The following CLMN variants were observed in gnomAD, a reference collection of about 807,000 sequenced individuals.
CLMN encodes the protein calmin (calponin-like, transmembrane).
In CLMN, 57 loss-of-function variants were observed where a neutral mutation model predicts 92.7. The observed-to-expected ratio is 0.61, with a 90% confidence interval of 0.50 to 0.77. The LOEUF (loss-of-function observed/expected upper bound fraction) is 0.77, where lower values mean the gene tolerates loss of function less well. CLMN is among the 30% of genes least tolerant of loss of function. CLMN has a pLI of 0.00. For synonymous variants in CLMN, 466 were observed against 470.6 expected, an observed-to-expected ratio of 0.99 and a Z score of 0.13; for missense variants, 1,158 against 1,237.5, an observed-to-expected ratio of 0.94 and a Z score of 0.96.
chr14:95,220,681 A>G (rs2140615418), intron 4 of CLMN, among the ~76,000 whole-genome samples: 1 of 152,328 alleles, frequency 6.6e-6, no homozygotes, highest in Admixed American at 6.5e-5. Flanking sequence ...CTGTTCAGAC[A>G]GTGAAAGTGC....
intron 1 of CLMN, among the ~76,000 whole-genome samples, chr14:95,258,667 A>AG (rs144128485): frequency 0.28 from 33,577 of 119,190 alleles, 5,381 homozygotes; most frequent in African/African-American, 0.5. Flanking sequence ...GTGTATGTGG[A>AG]GATATGTGTA....
At chr14:95,246,411 T>C (rs1286669892) in intron 1 of CLMN, among the ~76,000 whole-genome samples, 1 of 152,236 alleles carries the variant, frequency 6.6e-6, no homozygotes, top group Non-Finnish European at 1.5e-5. Flanking sequence ...TAATGGGCCG[T>C]GGGGCTTCCC....
chr14:95,242,105 C>T (rs1281668282), intron 1 of CLMN, among the ~76,000 whole-genome samples: 2 of 151,770 alleles, frequency 1.3e-5, no homozygotes, highest in African/African-American at 4.8e-5. Context: ...TGGATTACAC[C>T]TGTGATTCTC....
At chr14:95,283,412 A>C (rs1900215807) in intron 1 of CLMN, among the ~76,000 whole-genome samples, 1 of 152,234 alleles carries the variant, frequency 6.6e-6, no homozygotes, top group Non-Finnish European at 1.5e-5. Flanking sequence ...AATTGGTACC[A>C]GTAGAGTGCA....
intron 1 of CLMN, among the ~76,000 whole-genome samples, chr14:95,279,242 A>G (rs1409972943): frequency 2.0e-5 from 3 of 152,256 alleles, no homozygotes; most frequent in African/African-American, 7.2e-5. Context: ...TGGTAAAATA[A>G]AAATATCTTC....
At chr14:95,217,728 C>T (rs1897397193) in intron 4 of CLMN, among the ~76,000 whole-genome samples, 1 of 152,242 alleles carries the variant, frequency 6.6e-6, no homozygotes, top group Non-Finnish European at 1.5e-5. Context: ...CCTTCCCTTT[C>T]ACCTGGGGGA....
intron 1 of CLMN, among the ~76,000 whole-genome samples, chr14:95,239,006 T>G (rs1423318129): frequency 2.6e-5 from 4 of 152,248 alleles, no homozygotes; most frequent in African/African-American, 9.6e-5. Context: ...CTAGTTTTGC[T>G]GTGAGTTATT....
At chr14:95,269,966 T>G (rs1899641275) in intron 1 of CLMN, among the ~76,000 whole-genome samples, 1 of 152,140 alleles carries the variant, frequency 6.6e-6, no homozygotes, top group African/African-American at 2.4e-5. Context: ...TTCTACTATG[T>G]TAAACCACCG....
At chr14:95,260,768 A>G (rs568069208) in intron 1 of CLMN, among the ~76,000 whole-genome samples, 2 of 152,298 alleles carry the variant, frequency 1.3e-5, no homozygotes, top group East Asian at 3.9e-4. Context: ...TCAGGTATTG[A>G]GTGACTACAC....
Position 95,196,841 on chromosome 14 carries a change from C to A in CLMN, c.2512-147G>T, listed in dbSNP as rs764518984. On this transcript the variant is annotated intron_variant, in intron 9 of 12. Transcript: ENST00000298912. ...CCTGATCCTCTTCATGAATCCCCTGCAGCACAGCCTGCATGAGAGACAAGT... is the reference window on the plus strand; with the variant it reads ...CCTGATCCTCTTCATGAATCCCCTGAAGCACAGCCTGCATGAGAGACAAGT... The A allele has an allele frequency of 4.2e-4, 299 of 713,490 alleles. 1 individual carries two copies. The highest frequency in any genetic ancestry group is 5.7e-4 in the Non-Finnish European group (246 of 432,638). The allele number at this position is 713,490 out of a possible 1,614,324, so 44.2% of individuals were successfully genotyped here.
chr14:95,295,540 G>A (rs1455341327), intron 1 of CLMN, among the ~76,000 whole-genome samples: 2 of 152,318 alleles, frequency 1.3e-5, no homozygotes, highest in Admixed American at 6.5e-5. Context: ...GCCCGGGGGT[G>A]GTGTCAGGAG....
rs556575134 is a variant in CLMN at position 95,224,530 on chromosome 14, G to T, written c.145-675C>A. 3.3e-4 allele frequency among the ~76,000 whole-genome samples: 50 copies of T among 152,224 alleles called. No homozygotes were observed. The South Asian group carries it at 0.01, about 32-fold the overall frequency. On this transcript the variant is annotated intron_variant, in intron 2 of 12. Coordinates refer to ENST00000298912, the MANE Select transcript of CLMN (RefSeq NM_024734.4). ...ACTCCTGACCTCAGGTGATCCGCCCGCCTCGGCCTCCCAAAGTGCTGGAAT... is the reference window on the plus strand; with the variant it reads ...ACTCCTGACCTCAGGTGATCCGCCCTCCTCGGCCTCCCAAAGTGCTGGAAT...
intron 1 of CLMN, among the ~76,000 whole-genome samples, chr14:95,300,177 A>G (rs1194458082): frequency 6.6e-6 from 1 of 152,194 alleles, no homozygotes; most frequent in East Asian, 1.9e-4. Flanking sequence ...GCTCTGGGCC[A>G]GGCTCCCAGA....
chr14:95,262,706 A>G (rs1899307718), intron 1 of CLMN, among the ~76,000 whole-genome samples: 1 of 152,142 alleles, frequency 6.6e-6, no homozygotes, highest in African/African-American at 2.4e-5. Flanking sequence ...AGCTGGGACT[A>G]CAGGTATGTG....
chr14:95,210,116 G>C (rs553060690), intron 7 of CLMN, among the ~76,000 whole-genome samples: 3 of 151,986 alleles, frequency 2.0e-5, no homozygotes, highest in African/African-American at 4.8e-5. Flanking sequence ...GCAGTGGCAC[G>C]ATCTCAGCTC....
chr14:95,194,153 G>A lies in CLMN; in HGVS notation c.2770-234C>T. ...GACCCCACCACCCGGAACCCGGATT[G>A]GGGTGTGCTGCTCCGGGTTCTAACA... On this transcript the variant is annotated intron_variant, in intron 11 of 12. Transcript: ENST00000298912. The surrounding 1 kb of genome is among the most constrained non-coding windows in gnomAD (Gnocchi z 4.0). The A allele has an allele frequency of 7.1e-7, 1 of 1,411,576 alleles. No individual in the cohort carries two copies. Among genetic ancestry groups the A allele is most frequent in the Non-Finnish European group, 9.2e-7 (1 of 1,089,178 alleles). The allele number at this position is 1,411,576 out of a possible 1,614,324, so 87.4% of individuals were successfully genotyped here. A position where few individuals can be genotyped will look rare whatever the true frequency, so the allele number is the denominator to read the frequency against.
rs1417441654 is a variant in CLMN, at chr14:95,191,797, A to G, written c.2841-65T>C. 1.1e-5 allele frequency: 17 copies of G among 1,493,132 alleles called. No individual in the cohort carries two copies. Among genetic ancestry groups the G allele is most frequent in the Non-Finnish European group, 1.5e-5 (17 of 1,112,534 alleles). 92.5% of individuals were successfully genotyped at this position (1,493,132 alleles called of 1,614,324 possible). ...GTTCCCAGGAAAGTGGACCCCACCC[A>G]GTGCTACCCGTCTCTCCCCGGCCCC... On this transcript the variant is annotated intron_variant, in intron 12 of 12. Transcript: ENST00000298912. This position sits in a 1 kb window ranked among gnomAD's most constrained non-coding sequence, Gnocchi z 5.3.
intron 1 of CLMN, among the ~76,000 whole-genome samples, chr14:95,262,836 G>A (rs1291691749): frequency 6.6e-6 from 1 of 152,196 alleles, no homozygotes; most frequent in Non-Finnish European, 1.5e-5. Flanking sequence ...AAAGTACTGG[G>A]GTTTCAGGCA....
intron 1 of CLMN, among the ~76,000 whole-genome samples, chr14:95,295,373 T>C (rs1250842095): frequency 1.3e-5 from 2 of 152,198 alleles, no homozygotes; most frequent in Admixed American, 6.5e-5. Context: ...CCAGGCATTG[T>C]GCCAGCTGGT....
Sources: allele counts gnomAD v4.1 joint callset (sites outside exome capture counted in the v4.1 genomes callset), GRCh38; gene constraint gnomAD v4.1.1; non-coding constraint Gnocchi (gnomAD v3.1); transcripts MANE v1.5; gene names NCBI Gene and HGNC (gene_info 2026-07-23, HGNC 2026-07-21).